The following HMGXB4 variants were observed in gnomAD, a reference collection of about 807,000 sequenced individuals.
HMGXB4 encodes HMG domain-containing protein 4.
HMGXB4 carries 27 observed loss-of-function variants against 63.9 expected under a neutral mutation model. That is an observed-to-expected ratio of 0.42 (90% CI 0.31 to 0.58). HMGXB4 has a LOEUF of 0.58. Among genes scored for constraint, HMGXB4 ranks in the 20% least tolerant of loss-of-function variants. The pLI is 0.13. For missense variants in HMGXB4, 624 were observed against 700.7 expected (o/e 0.89, Z 1.24); for synonymous variants, 264 against 265.3 (o/e 0.99, Z 0.05).
chr22:35,265,978 G>T (rs1334385200), intron 5 of HMGXB4, among the ~76,000 whole-genome samples: 1 of 146,790 alleles, frequency 6.8e-6, no homozygotes, highest in Non-Finnish European at 1.5e-5. Flanking sequence ...TAATAGAGAC[G>T]AGGTTTCACC....
At chr22:35,271,716 C>T (rs530213680) in intron 5 of HMGXB4, among the ~76,000 whole-genome samples, 7 of 152,296 alleles carry the variant, frequency 4.6e-5, no homozygotes, top group South Asian at 2.1e-4. Flanking sequence ...ACCAGGACAA[C>T]GCTTGATATT....
chr22:35,253,241 C>T (rs1922264024), upstream of HMGXB4, among the ~76,000 whole-genome samples: 1 of 151,962 alleles, frequency 6.6e-6, no homozygotes, highest in Non-Finnish European at 1.5e-5. Context: ...GGGAAGGGGC[C>T]CTGAAGATAA....
intron 9 of HMGXB4, among the ~76,000 whole-genome samples, chr22:35,290,345 CT>C (rs1277636090): frequency 6.6e-6 from 1 of 151,994 alleles, no homozygotes; most frequent in Non-Finnish European, 1.5e-5. Flanking sequence ...ATTGTTACCC[CT>C]AAAAGAAACC....
At chr22:35,271,925 C>G (rs1404793387) in intron 5 of HMGXB4, among the ~76,000 whole-genome samples, 1 of 152,126 alleles carries the variant, frequency 6.6e-6, no homozygotes, top group African/African-American at 2.4e-5. Context: ...CACTGTGAAC[C>G]AAGAACATTG....
At position 35,271,050 on chromosome 22, in the gene HMGXB4, A is replaced by G. The variant is rs1923572816; in HGVS notation, c.1215+5447A>G. Among the ~76,000 whole-genome samples the G allele has an allele frequency of 2.0e-5, 3 of 152,098 alleles. 1 individual carries two copies. The South Asian group carries it at 6.2e-4, about 32-fold the overall frequency. ...GGCTGAGGTGGGATCACTCAAGCCC[A>G]AGAGTTTGAGACCAACCTAGGTGAT... On this transcript the variant is annotated intron_variant, in intron 5 of 10. Transcript: ENST00000216106.
chr22:35,253,144 A>AAAAAAAAAAAAAAAAAAAAAAAAAAG (rs11282400), upstream of HMGXB4, among the ~76,000 whole-genome samples: 27 of 125,368 alleles, frequency 2.2e-4, no homozygotes, highest in Non-Finnish European at 2.7e-4. Context: ...AAAAAAAAAA[A>AAAAAAAAAAAAAAAAAAAAAAAAAAG]AAAAAAGAAA....
intron 5 of HMGXB4, among the ~76,000 whole-genome samples, chr22:35,278,961 C>T (rs1261663852): frequency 6.6e-6 from 1 of 151,182 alleles, no homozygotes; most frequent in Non-Finnish European, 1.5e-5. Context: ...GCCAGGGAAA[C>T]AGTTGAATCC....
chr22:35,293,869 G>A lies in HMGXB4; in HGVS notation c.*218G>A, dbSNP rs1286053993. Reference sequence around the variant, plus strand: ...GAAATGGCAAAGGTTTAGCCAAGAGGAAATTTTGGCATGAATACAGGCTTG... The same window carrying A: ...GAAATGGCAAAGGTTTAGCCAAGAGAAAATTTTGGCATGAATACAGGCTTG... On this transcript the variant is annotated 3_prime_UTR_variant, in exon 11 of 11. Transcript: ENST00000216106. The A allele has an allele frequency of 3.2e-6, 1 of 309,650 alleles. No individual in the cohort carries two copies. Among genetic ancestry groups the A allele is most frequent in the Non-Finnish European group, 5.8e-6 (1 of 173,172 alleles). 19.2% of individuals were successfully genotyped at this position (309,650 alleles called of 1,614,324 possible). A position where few individuals can be genotyped will look rare whatever the true frequency, so the allele number is the denominator to read the frequency against.
intron 5 of HMGXB4, among the ~76,000 whole-genome samples, chr22:35,273,556 G>A (rs1008209058): frequency 1.2e-4 from 18 of 152,174 alleles, no homozygotes; most frequent in Non-Finnish European, 2.4e-4. Flanking sequence ...TACGTCTTAA[G>A]TTCTTCAAAA....
In HMGXB4 at chr22:35,290,897, A is replaced by C. The variant is rs549939259; in HGVS notation, c.1639-2095A>C. Among the ~76,000 whole-genome samples, 10 of 152,314 alleles carry C rather than the reference A, an allele frequency of 6.6e-5. No individual in the cohort carries two copies. In the South Asian group the frequency reaches 2.1e-3, roughly 32 times the overall value. On this transcript the variant is annotated intron_variant, in intron 9 of 10. Coordinates refer to ENST00000216106, the MANE Select transcript of HMGXB4 (RefSeq NM_001003681.3). ...GTAATGGACATATAATTATCAAAAT[A>C]ATATGTTCAGTAGTAAATTAATGTT...
intron 5 of HMGXB4, among the ~76,000 whole-genome samples, chr22:35,271,349 C>T (rs538928252): frequency 2.6e-5 from 4 of 152,262 alleles, no homozygotes; most frequent in Admixed American, 2.6e-4. Context: ...GTAGAAATGC[C>T]AAAGGCCTCT....
chr22:35,262,357 A>G lies in HMGXB4; in HGVS notation c.-34A>G. On this transcript the variant is annotated 5_prime_UTR_variant, in exon 2 of 11. Transcript: ENST00000216106. ...TGTAGACGGGAAGGAGCCTGGACAC[A>G]GTGACACATTCTCAAAGGCCCTGCA... The G allele has an allele frequency of 1.2e-6, 2 of 1,610,864 alleles. No individual in the cohort carries two copies. Among genetic ancestry groups the G allele is most frequent in the South Asian group, 1.1e-5 (1 of 91,018 alleles).
chr22:35,253,224 C>T (rs1372839799), upstream of HMGXB4, among the ~76,000 whole-genome samples: 3 of 151,710 alleles, frequency 2.0e-5, no homozygotes, highest in South Asian at 4.2e-4. Flanking sequence ...GGATGGACTT[C>T]GAAGTGGGGA....
At chr22:35,292,959 G>A (rs778431807) in intron 9 of HMGXB4, 33 bp from the exon 10 acceptor site, 5 of 1,614,068 alleles carry the variant, frequency 3.1e-6, no homozygotes, top group Non-Finnish European at 3.4e-6. Context: ...CATCAGGAGT[G>A]TGACTCAAGC....
chr22:35,267,651 T>C, intron 5 of HMGXB4, among the ~76,000 whole-genome samples: 1 of 150,574 alleles, frequency 6.6e-6, no homozygotes, highest in East Asian at 1.9e-4. Context: ...ATTCCCAGTA[T>C]CCCGCCAGTC....
rs1008554538 is a variant in HMGXB4, at chr22:35,294,962, T to C, written c.*1311T>C. On this transcript the variant is annotated 3_prime_UTR_variant, in exon 11 of 11. Transcript: ENST00000216106. ...TAAAGAACTTCATGGGCTTCAATAA[T>C]GTCTAGAAAGTAAAATAAAGAGGAA... 1 of 152,210 alleles carries C rather than the reference T, an allele frequency of 6.6e-6. No individual in the cohort carries two copies. Among genetic ancestry groups the C allele is most frequent in the Non-Finnish European group, 1.5e-5 (1 of 68,028 alleles). 9.4% of individuals were successfully genotyped at this position (152,210 alleles called of 1,614,324 possible).
At chr22:35,268,541 T>A (rs1273459005) in intron 5 of HMGXB4, among the ~76,000 whole-genome samples, 1 of 152,244 alleles carries the variant, frequency 6.6e-6, no homozygotes, top group East Asian at 1.9e-4. Context: ...ACGGCAGTCC[T>A]GTGTTCTGCA....
At chr22:35,259,365 A>G (rs1922691977) in intron 1 of HMGXB4, among the ~76,000 whole-genome samples, 1 of 152,218 alleles carries the variant, frequency 6.6e-6, no homozygotes, top group Non-Finnish European at 1.5e-5. Flanking sequence ...TTGAATTGAG[A>G]CTGGGTTTTA....
In HMGXB4 at chr22:35,264,898, A is replaced by G. The variant is rs1242297661; in HGVS notation, c.510A>G (p.Lys170=). 2 of 1,614,056 alleles carry G rather than the reference A, an allele frequency of 1.2e-6. No individual in the cohort carries two copies. Among genetic ancestry groups the G allele is most frequent in the East Asian group, 2.2e-5 (1 of 44,898 alleles). Residue 170 remains lysine (K), a synonymous_variant, in exon 5 of 11, where the codon AAA becomes AAG. Coordinates refer to ENST00000216106, the MANE Select transcript of HMGXB4 (RefSeq NM_001003681.3). ...PLEDGGSHKS[K]KMKPLYVNTE... Reference sequence around the variant, plus strand: ...AGGATGGTGGCTCCCACAAATCGAAAAAAATGAAACCTCTCTATGTGAACA... The same window carrying G: ...AGGATGGTGGCTCCCACAAATCGAAGAAAATGAAACCTCTCTATGTGAACA...
Sources: allele counts gnomAD v4.1 joint callset (sites outside exome capture counted in the v4.1 genomes callset), GRCh38; gene constraint gnomAD v4.1.1; transcripts MANE v1.5; gene names NCBI Gene and HGNC (gene_info 2026-07-23, HGNC 2026-07-21).